DNAJC13: variants seen among roughly 807,000 people sequenced by gnomAD.
DNAJC13 encodes dnaJ homolog subfamily C member 13.
In DNAJC13, 75 loss-of-function variants were observed where a neutral mutation model predicts 290.5. The observed-to-expected ratio is 0.26, with a 90% confidence interval of 0.21 to 0.31. The LOEUF (loss-of-function observed/expected upper bound fraction) is 0.31, where lower values mean the gene tolerates loss of function less well. Ranked by LOEUF, DNAJC13 falls within the 10% of genes least tolerant of loss-of-function variation. The probability of loss-of-function intolerance (pLI) is 1.00; values close to 1 mark genes in which losing one functional copy is unlikely to be tolerated. For synonymous variants in DNAJC13, 862 were observed against 892.0 expected, an observed-to-expected ratio of 0.97 and a Z score of 0.60; for missense variants, 2,260 against 2,674.5, an observed-to-expected ratio of 0.85 and a Z score of 3.42.
At chr3:132,492,163 T>A (rs935298776) in intron 32 of DNAJC13, among the ~76,000 whole-genome samples, 3 of 152,164 alleles carry the variant, frequency 2.0e-5, no homozygotes, top group Non-Finnish European at 4.4e-5. Flanking sequence ...GGCTGATTTT[T>A]TAATAGGAAG....
In DNAJC13 at chr3:132,463,705, A is replaced by G. The variant is rs924616243; in HGVS notation, c.1780A>G (p.Lys594Glu). ...TACCCTTTTTCCAAAGGAAGGTGAT[A>G]AAGAAATTGCTACAAAAATGCAGGA... ...VMKAIIEEGDKEIATKMQELA... is the reference protein window; with the variant it reads ...VMKAIIEEGDEEIATKMQELA... Residue 594 changes from lysine (K) to glutamate (E), a missense_variant, in exon 17 of 56, where the codon AAA (lysine) becomes GAA (glutamate). Lys to Glu is a moderately conservative substitution (Grantham distance 56). This residue lies in a region of DNAJC13 where 762 missense variants were observed against 964.1 expected (regional missense o/e 0.79). Coordinates refer to ENST00000260818, the MANE Select transcript of DNAJC13 (RefSeq NM_015268.4). The G allele has an allele frequency of 7.4e-6, 12 of 1,612,818 alleles. No homozygotes were observed. Among genetic ancestry groups the G allele is most frequent in the Non-Finnish European group, 9.3e-6 (11 of 1,179,226 alleles).
chr3:132,454,273 A>T (rs1933515015), intron 9 of DNAJC13, 116 bp downstream of exon 9: 1 of 781,872 alleles, frequency 1.3e-6, no homozygotes, highest in South Asian at 1.7e-5. Context: ...ATTTGGGAAA[A>T]GACATTTTCT....
At chr3:132,514,462 T>C (rs1042163113) in intron 45 of DNAJC13, 109 bp from the exon 46 acceptor site, 1 of 661,480 alleles carries the variant, frequency 1.5e-6, no homozygotes, top group Non-Finnish European at 2.5e-6. Context: ...AAAAACTAAA[T>C]GTTTCATCCC....
rs1263016844 is a variant in DNAJC13 at position 132,466,056 on chromosome 3, T to C, written c.1954T>C (p.Leu652=). The part of the protein sequence containing the change: ...TADNATATNL[L]KRILPPGLLA... Reference sequence around the variant, plus strand: ...TGATAATGCAACTGCAACAAACTTGTTGAAACGCATTTTGGTAAGTCAGTT... The same window carrying C: ...TGATAATGCAACTGCAACAAACTTGCTGAAACGCATTTTGGTAAGTCAGTT... The change falls in exon 18 of 56, where the codon TTG becomes CTG. Residue 652 remains leucine, a synonymous_variant. Transcript: ENST00000260818. 6.2e-7 allele frequency: 1 copy of C among 1,613,916 alleles called. No individual in the cohort carries two copies. The highest frequency in any genetic ancestry group is 1.3e-5 in the African/African-American group (1 of 75,048).
intron 54 of DNAJC13, among the ~76,000 whole-genome samples, chr3:132,530,696 A>G (rs1936390097): frequency 6.6e-6 from 1 of 152,204 alleles, no homozygotes; most frequent in Non-Finnish European, 1.5e-5. Context: ...CTGTCACAAG[A>G]AAATACTCTG....
At chr3:132,437,035 T>C (rs747080266) in intron 2 of DNAJC13, among the ~76,000 whole-genome samples, 1 of 151,926 alleles carries the variant, frequency 6.6e-6, no homozygotes, top group African/African-American at 2.4e-5. Flanking sequence ...CATGCCACCA[T>C]GCCTAGCTAA....
intron 2 of DNAJC13, among the ~76,000 whole-genome samples, chr3:132,443,024 G>C (rs895013915): frequency 6.6e-6 from 1 of 152,170 alleles, no homozygotes; most frequent in Admixed American, 6.5e-5. Flanking sequence ...GCATTTATTG[G>C]GGTATCTACT....
chr3:132,512,177 A>G (rs1388951819), intron 44 of DNAJC13, among the ~76,000 whole-genome samples: 1 of 152,166 alleles, frequency 6.6e-6, no homozygotes, highest in East Asian at 1.9e-4. Context: ...GGAACTTGTA[A>G]AGAGTTGAAG....
chr3:132,434,710 T>C lies in DNAJC13; in HGVS notation c.68+92T>C, dbSNP rs1287839395. 18 of 995,842 alleles carry C rather than the reference T, an allele frequency of 1.8e-5. No homozygotes were observed. The East Asian group carries it at 4.3e-4, about 24-fold the overall frequency. The allele number at this position is 995,842 out of a possible 1,614,324, so 61.7% of individuals were successfully genotyped here. ...ATAATCTTGAATAATACTGCACAAC[T>C]CAGGCTATACAGCCCTTCTCTTCTG... On this transcript the variant is annotated intron_variant, in intron 2 of 55. Coordinates refer to ENST00000260818, the MANE Select transcript of DNAJC13 (RefSeq NM_015268.4).
intron 22 of DNAJC13, 151 bp downstream of exon 22, chr3:132,475,236 CTG>C (rs1293267511): frequency 1.9e-6 from 1 of 513,730 alleles, no homozygotes; most frequent in African/African-American, 2.0e-5. Context: ...AAACTTTAAT[CTG>C]TGTGTCAGAC....
intron 48 of DNAJC13, among the ~76,000 whole-genome samples, chr3:132,521,611 A>G (rs1936092544): frequency 1.3e-5 from 2 of 152,300 alleles, no homozygotes; most frequent in South Asian, 2.1e-4. Flanking sequence ...TGTGAGAATG[A>G]GCTACTAGGG....
At position 132,505,240 on chromosome 3, in the gene DNAJC13, T is replaced by TA; in HGVS notation, c.4885-60dup. ...TTTGGCCTATAATAGACATTTTTAA[T>TA]AAGTGATAATGTCAATAAGTTTTTT... is the stretch of plus-strand genomic sequence containing the variant. On this transcript the variant is annotated intron_variant, in intron 41 of 55. Transcript: ENST00000260818. 4 of 1,035,960 alleles carry TA rather than the reference T, an allele frequency of 3.9e-6. No homozygotes were observed. In the Admixed American group the frequency reaches 8.4e-5, roughly 22 times the overall value. 64.2% of individuals were successfully genotyped at this position (1,035,960 alleles called of 1,614,324 possible). A position where few individuals can be genotyped will look rare whatever the true frequency, so the allele number is the denominator to read the frequency against.
At chr3:132,495,206 T>A (rs763082127) in intron 35 of DNAJC13, 40 bp downstream of exon 35, 6 of 1,506,728 alleles carry the variant, frequency 4.0e-6, no homozygotes, top group Middle Eastern at 3.4e-4. Context: ...GGGCTTCCTC[T>A]TGCTCTATTA....
intron 1 of DNAJC13, among the ~76,000 whole-genome samples, chr3:132,422,935 A>C (rs1938999494): frequency 6.6e-6 from 1 of 152,242 alleles, no homozygotes; most frequent in Admixed American, 6.5e-5. Flanking sequence ...GCCCAGTGGT[A>C]ATATCTCTTT....
intron 2 of DNAJC13, among the ~76,000 whole-genome samples, chr3:132,439,965 G>A (rs1032368899): frequency 2.6e-5 from 4 of 152,134 alleles, no homozygotes; most frequent in Non-Finnish European, 5.9e-5. Flanking sequence ...GAATACACTA[G>A]AGCAGTCATG....
At chr3:132,461,026 A>C in intron 14 of DNAJC13, 24 bp from the exon 15 acceptor site, 1 of 1,609,704 alleles carries the variant, frequency 6.2e-7, no homozygotes, top group Non-Finnish European at 8.5e-7. Flanking sequence ...TAAGTCTTTA[A>C]GAGAATCTGT....
rs773127613 is a variant in DNAJC13 at position 132,457,252 on chromosome 3, G to T, written c.1350-17G>T. ...GTTCTGGTATTGCTAGTATATGCTT[G>T]TTTTTTGTTCCAAAAGGTTTCGCGA... On this transcript the variant is annotated splice_polypyrimidine_tract_variant and intron_variant, in intron 12 of 55. Coordinates refer to ENST00000260818, the MANE Select transcript of DNAJC13 (RefSeq NM_015268.4). 1 of 1,585,842 alleles carries T rather than the reference G, an allele frequency of 6.3e-7. No individual in the cohort carries two copies. Among genetic ancestry groups the T allele is most frequent in the Non-Finnish European group, 8.6e-7 (1 of 1,166,516 alleles).
At chr3:132,516,666 A>C (rs764846410) in intron 47 of DNAJC13, 38 bp from the exon 48 acceptor site, 4 of 1,573,876 alleles carry the variant, frequency 2.5e-6, no homozygotes, top group Non-Finnish European at 3.5e-6. Flanking sequence ...AGAAAAGTCA[A>C]ATTCTTTATA....
rs531583040 is a variant in DNAJC13, at chr3:132,525,201, G to A, written c.6061-409G>A. On this transcript the variant is annotated intron_variant, in intron 51 of 55. Coordinates refer to ENST00000260818, the MANE Select transcript of DNAJC13 (RefSeq NM_015268.4). ...AAAAAAAATACAAAATTAGCCAGGCGTGGTGGTGCATGCCTGTAATCCCAG... is the reference window on the plus strand; with the variant it reads ...AAAAAAAATACAAAATTAGCCAGGCATGGTGGTGCATGCCTGTAATCCCAG... 5.4e-4 allele frequency among the ~76,000 whole-genome samples: 82 copies of A among 152,214 alleles called. 1 individual carries two copies. The Middle Eastern group carries it at 0.014, about 25-fold the overall frequency.
Sources: gnomAD v4.1 joint callset for allele counts (sites outside exome capture counted in the v4.1 genomes callset) on GRCh38, gnomAD v4.1.1 for gene constraint, gnomAD v4.1.1 regional missense constraint, MANE v1.5 for transcripts, NCBI Gene and HGNC (gene_info 2026-07-23, HGNC 2026-07-21) for gene names.